Variants in PKNOX1 observed in about 807,000 individuals in gnomAD.
PKNOX1 encodes homeobox protein PKNOX1.
PKNOX1 carries 15 observed loss-of-function variants against 51.9 expected under a neutral mutation model. The ratio of observed to expected loss-of-function variants is 0.29; its 90% CI spans 0.19 to 0.45. The LOEUF is 0.45. Ranked by LOEUF, PKNOX1 falls within the 20% of genes least tolerant of loss-of-function variation. The pLI is 1.00. For missense variants in PKNOX1, 462 were observed against 547.5 expected (o/e 0.84, Z 1.56); for synonymous variants, 219 against 211.1 (o/e 1.04, Z -0.32).
intron 1 of PKNOX1, among the ~76,000 whole-genome samples, chr21:42,990,913 G>A (rs1364638381): frequency 5.3e-5 from 8 of 152,084 alleles, no homozygotes; most frequent in Non-Finnish European, 5.9e-5. Flanking sequence ...CCGTAGATAC[G>A]GAGGGCACTT....
At position 43,032,305 on chromosome 21, in the gene PKNOX1, C is replaced by T; in HGVS notation, c.*2204C>T. The T allele has an allele frequency of 4.6e-6, 2 of 437,064 alleles. No individual in the cohort carries two copies. Among genetic ancestry groups the T allele is most frequent in the Non-Finnish European group, 9.3e-6 (2 of 215,184 alleles). 27.1% of individuals were successfully genotyped at this position (437,064 alleles called of 1,614,324 possible). On this transcript the variant is annotated 3_prime_UTR_variant, in exon 11 of 11. Coordinates refer to ENST00000291547, the MANE Select transcript of PKNOX1 (RefSeq NM_004571.5). Reference sequence around the variant, plus strand: ...TAAGCACCCATGAAAGCCAGCCAGCCCTTCCTCCTTCCCTCACCACCCTCC... The same window carrying T: ...TAAGCACCCATGAAAGCCAGCCAGCTCTTCCTCCTTCCCTCACCACCCTCC...
rs1732810912 is a variant in PKNOX1, at chr21:43,012,561, C to CTTAT, written c.352-506_352-505insTATT. Among the ~76,000 whole-genome samples, 4 of 152,200 alleles carry CTTAT rather than the reference C, an allele frequency of 2.6e-5. No homozygotes were observed. In the South Asian group the frequency reaches 8.3e-4, roughly 32 times the overall value. ...CAGCTTGGGCAATAAGAGTGAAACT[C>CTTAT]TGTCTCAAAAAACAAAACAAAACAA... On this transcript the variant is annotated intron_variant, in intron 4 of 10. Transcript: ENST00000291547.
At chr21:43,002,316 C>T (rs753600542) in intron 1 of PKNOX1, among the ~76,000 whole-genome samples, 2 of 152,164 alleles carry the variant, frequency 1.3e-5, no homozygotes, top group African/African-American at 2.4e-5. Context: ...ATGCCCTCCC[C>T]TCCCAGGCCA....
intron 1 of PKNOX1, among the ~76,000 whole-genome samples, chr21:42,985,940 G>A (rs1375420833): frequency 6.7e-6 from 1 of 149,720 alleles, no homozygotes; most frequent in Non-Finnish European, 1.5e-5. Context: ...GGTGGAGATT[G>A]CAGTGAGCTG....
rs1363851129 is a variant in PKNOX1 at position 43,021,644 on chromosome 21, A to C, written c.849+213A>C. On this transcript the variant is annotated intron_variant, in intron 8 of 10. Coordinates refer to ENST00000291547, the MANE Select transcript of PKNOX1 (RefSeq NM_004571.5). The surrounding 1 kb of genome is among the most constrained non-coding windows in gnomAD (Gnocchi z 4.6). ...GGCTGCCGTGAAGGAGCACCCGAGC[A>C]CATGTGAGGCGTACACGTGTGTCCG... Among the ~76,000 whole-genome samples the C allele has an allele frequency of 6.6e-6, 1 of 152,256 alleles. No individual in the cohort carries two copies. The highest frequency in any genetic ancestry group is 1.5e-5 in the Non-Finnish European group (1 of 68,042).
intron 1 of PKNOX1, among the ~76,000 whole-genome samples, chr21:42,993,137 A>G (rs183931651): frequency 1.8e-4 from 27 of 152,192 alleles, no homozygotes; most frequent in African/African-American, 6.3e-4. Context: ...CCTGGATTGC[A>G]GAGGAAGGGA....
At chr21:43,027,814 G>T (rs983236290) in intron 9 of PKNOX1, among the ~76,000 whole-genome samples, 2 of 152,202 alleles carry the variant, frequency 1.3e-5, no homozygotes, top group Non-Finnish European at 2.9e-5. Context: ...TACTCAGGAG[G>T]CTGAGGCAGC....
rs61381629 is a variant in PKNOX1, at chr21:42,984,083, CGT to C, written c.-57+9444_-57+9445del. Among the ~76,000 whole-genome samples the C allele has an allele frequency of 3.0e-3, 453 of 149,806 alleles. 1 individual carries two copies. Among genetic ancestry groups the C allele is most frequent in the African/African-American group, 9.8e-3 (399 of 40,726 alleles). ...ATGCATACGTGTGTGCGTGTGTGTGCGTGTGTGTGTGTGTGTGTGTGTGTGTT... is the reference window on the plus strand; with the variant it reads ...ATGCATACGTGTGTGCGTGTGTGTGCGTGTGTGTGTGTGTGTGTGTGTGTT... On this transcript the variant is annotated intron_variant, in intron 1 of 10. Coordinates refer to ENST00000291547, the MANE Select transcript of PKNOX1 (RefSeq NM_004571.5).
rs1980311226 is a variant in PKNOX1, at chr21:43,032,339, G to GTCCCTCACCACCCTCC, written c.*2238_*2239insTCCCTCACCACCCTCC. On this transcript the variant is annotated 3_prime_UTR_variant, in exon 11 of 11. Transcript: ENST00000291547. Reference sequence around the variant, plus strand: ...TTCCCTCACCACCCTCCGTCTCTTCGGCTGCTTGCTCTTTAGTGTAGATTA... The same window carrying GTCCCTCACCACCCTCC: ...TTCCCTCACCACCCTCCGTCTCTTCGTCCCTCACCACCCTCCGCTGCTTGCTCTTTAGTGTAGATTA... 47 of 396,720 alleles carry GTCCCTCACCACCCTCC rather than the reference G, an allele frequency of 1.2e-4. No individual in the cohort carries two copies. The Middle Eastern group carries it at 1.2e-3, about 10-fold the overall frequency. The allele number at this position is 396,720 out of a possible 1,614,324, so 24.6% of individuals were successfully genotyped here. A position where few individuals can be genotyped will look rare whatever the true frequency, so the allele number is the denominator to read the frequency against.
intron 1 of PKNOX1, among the ~76,000 whole-genome samples, chr21:43,002,917 A>G (rs1041788498): frequency 2.0e-5 from 3 of 152,036 alleles, no homozygotes; most frequent in Admixed American, 1.3e-4. Flanking sequence ...GGGTTTCACT[A>G]TGTTGGCCAG....
rs1173259023 is a variant in PKNOX1, at chr21:43,028,687, C to T, written c.927-15C>T. ...GAAGGCTGTTTTCATGGAAGCTTCT[C>T]TTTGTTGACTCCAGGTTCATCAATG... On this transcript the variant is annotated splice_polypyrimidine_tract_variant and intron_variant, in intron 9 of 10. Transcript: ENST00000291547. The T allele has an allele frequency of 1.4e-5, 22 of 1,612,340 alleles. No individual in the cohort carries two copies. The highest frequency in any genetic ancestry group is 1.9e-5 in the Non-Finnish European group (22 of 1,179,340).
chr21:43,011,904 C>G (rs1438903876), intron 4 of PKNOX1, among the ~76,000 whole-genome samples: 2 of 152,194 alleles, frequency 1.3e-5, no homozygotes, highest in African/African-American at 4.8e-5. Context: ...CTCTCCACCC[C>G]TGAGTCTGTG....
intron 4 of PKNOX1, 67 bp downstream of exon 4, chr21:43,010,291 T>G (rs1307536012): frequency 1.1e-6 from 1 of 909,082 alleles, no homozygotes; most frequent in Non-Finnish European, 1.6e-6. Context: ...TTTAGGCTTC[T>G]AAGTAGAACT....
Position 42,978,492 on chromosome 21 carries a change from T to C in PKNOX1, c.-57+3828T>C, listed in dbSNP as rs527994438. Among the ~76,000 whole-genome samples, 48 of 149,152 alleles carry C rather than the reference T, an allele frequency of 3.2e-4. No individual in the cohort carries two copies. In the South Asian group the frequency reaches 6.1e-3, roughly 19 times the overall value. On this transcript the variant is annotated intron_variant, in intron 1 of 10. Coordinates refer to ENST00000291547, the MANE Select transcript of PKNOX1 (RefSeq NM_004571.5). ...TGTTTTTTTCTTTTCTTTTCTTTTTTTTTTTTTTTTTGAGATGGAGTCGCT... is the reference window on the plus strand; with the variant it reads ...TGTTTTTTTCTTTTCTTTTCTTTTTCTTTTTTTTTTTGAGATGGAGTCGCT...
At chr21:42,999,246 A>G (rs1251318152) in intron 1 of PKNOX1, among the ~76,000 whole-genome samples, 1 of 152,212 alleles carries the variant, frequency 6.6e-6, no homozygotes, top group South Asian at 2.1e-4. Context: ...AGCAGCTGGG[A>G]TGCAGGGCAC....
intron 1 of PKNOX1, among the ~76,000 whole-genome samples, chr21:42,995,257 G>A (rs1978448613): frequency 1.3e-5 from 2 of 151,838 alleles, no homozygotes; most frequent in African/African-American, 4.8e-5. Context: ...TTTATAGAGT[G>A]CCTCTCAGTT....
chr21:43,007,705 G>A lies in PKNOX1; in HGVS notation c.179+87G>A, dbSNP rs181579946. 2.9e-5 allele frequency: 42 copies of A among 1,466,922 alleles called. No homozygotes were observed. In the East Asian group the frequency reaches 4.8e-4, roughly 17 times the overall value. 90.9% of individuals were successfully genotyped at this position (1,466,922 alleles called of 1,614,324 possible). A position where few individuals can be genotyped will look rare whatever the true frequency, so the allele number is the denominator to read the frequency against. On this transcript the variant is annotated intron_variant, in intron 3 of 10. Transcript: ENST00000291547. ...TAAAAGGAACACCAGAACTAGTAGC[G>A]AGGCAGAGTTGTGAGGTGCCATTAT... is the stretch of plus-strand genomic sequence containing the variant.
intron 6 of PKNOX1, 93 bp from the exon 7 acceptor site, chr21:43,018,040 G>A (rs1282669840): frequency 2.0e-5 from 10 of 505,594 alleles, no homozygotes; most frequent in Non-Finnish European, 3.2e-5. Flanking sequence ...CAATGTCCCT[G>A]TCTCTACAAA....
intron 9 of PKNOX1, among the ~76,000 whole-genome samples, chr21:43,026,555 A>G (rs545080137): frequency 6.6e-6 from 1 of 152,220 alleles, no homozygotes; most frequent in East Asian, 1.9e-4. Flanking sequence ...TCAGGAGTTC[A>G]ATACCAGCCT....
Sources: allele counts gnomAD v4.1 joint callset (sites outside exome capture counted in the v4.1 genomes callset), GRCh38; gene constraint gnomAD v4.1.1; non-coding constraint Gnocchi (gnomAD v3.1); transcripts MANE v1.5; gene names NCBI Gene and HGNC (gene_info 2026-07-23, HGNC 2026-07-21).